The following VEPH1 variants were observed in gnomAD, a reference collection of about 807,000 sequenced individuals.
VEPH1 encodes the protein ventricular zone expressed PH domain containing 1.
A neutral mutation model predicts 85.2 loss-of-function variants in VEPH1; 80 were observed. The observed-to-expected ratio is 0.94, with a 90% CI of 0.78 to 1.13. The LOEUF (loss-of-function observed/expected upper bound fraction) is 1.13, where lower values mean the gene tolerates loss of function less well. Among genes scored for constraint, VEPH1 ranks in the 50% most tolerant of loss-of-function variants. The pLI is 0.00. For synonymous variants in VEPH1, 297 were observed against 348.0 expected (o/e 0.85, Z 1.63); for missense variants, 955 against 980.5 (o/e 0.97, Z 0.35).
At chr3:157,283,008 A>T (rs1716338506) in intron 12 of VEPH1, among the ~76,000 whole-genome samples, 1 of 152,246 alleles carries the variant, frequency 6.6e-6, no homozygotes, top group Non-Finnish European at 1.5e-5. Context: ...TAGGAAATAG[A>T]TTCTACTGTA....
Position 157,442,741 on chromosome 3 carries a change from C to T in VEPH1, c.530-14253G>A, listed in dbSNP as rs139851251. The T allele has an allele frequency of 5.0e-6, 8 of 1,614,196 alleles. No homozygotes were observed. The highest frequency in any genetic ancestry group is 6.8e-6 in the Non-Finnish European group (8 of 1,180,046). ...GAGATGGCCACAGGTCACATTGTTC[C>T]TGAGGGAGGAATCCTGCAGATTGGC... On this transcript the variant is annotated intron_variant, in intron 4 of 13. Coordinates refer to ENST00000362010, the MANE Select transcript of VEPH1 (RefSeq NM_001167912.2).
At chr3:157,377,847 C>G (rs1728298913) in intron 7 of VEPH1, among the ~76,000 whole-genome samples, 1 of 152,148 alleles carries the variant, frequency 6.6e-6, no homozygotes. Flanking sequence ...TGGACTAATA[C>G]AGGCCTACTT....
chr3:157,502,848 T>A (rs1167822207), intron 1 of VEPH1, among the ~76,000 whole-genome samples: 4 of 152,238 alleles, frequency 2.6e-5, no homozygotes, highest in African/African-American at 4.8e-5. Flanking sequence ...ACCCACTGAC[T>A]GTAATGATGC....
intron 9 of VEPH1, among the ~76,000 whole-genome samples, chr3:157,323,797 A>G (rs1049776037): frequency 1.3e-5 from 2 of 152,198 alleles, no homozygotes; most frequent in African/African-American, 4.8e-5. Flanking sequence ...CCTGATTTTG[A>G]GGAAAAAAAT....
At chr3:157,451,064 A>G (rs1734932014) in intron 4 of VEPH1, among the ~76,000 whole-genome samples, 1 of 152,198 alleles carries the variant, frequency 6.6e-6, no homozygotes, top group Non-Finnish European at 1.5e-5. Context: ...TATTGATATC[A>G]TGGTATTGAT....
intron 5 of VEPH1, among the ~76,000 whole-genome samples, chr3:157,418,865 A>T (rs1411266777): frequency 1.3e-5 from 2 of 152,240 alleles, no homozygotes. Flanking sequence ...AAGAGCCCAA[A>T]TAGCCAAGAC....
intron 6 of VEPH1, among the ~76,000 whole-genome samples, chr3:157,412,977 C>T (rs576884803): frequency 6.6e-6 from 1 of 152,236 alleles, no homozygotes; most frequent in Admixed American, 6.5e-5. Flanking sequence ...GGGTAAGTCA[C>T]ATAATGTTTC....
Position 157,290,029 on chromosome 3 carries a change from TACACAAACACACACACACACACACAC to T in VEPH1, c.2011-3381_2011-3356del, listed in dbSNP as rs888842912. 2.6e-5 allele frequency among the ~76,000 whole-genome samples: 3 copies of T among 114,874 alleles called. No homozygotes were observed. In the Admixed American group the frequency reaches 2.9e-4, roughly 11 times the overall value. The allele number at this position is 114,874 out of a possible 152,430, so 75.4% of individuals were successfully genotyped here. On this transcript the variant is annotated intron_variant, in intron 11 of 13. Transcript: ENST00000362010. ...TAGGATATCAATTCCGTTGTTATTA[TACACAAACACACACACACACACACAC>T]ACACACACACACACACACACACACA...
intron 12 of VEPH1, among the ~76,000 whole-genome samples, chr3:157,280,396 A>G (rs947548211): frequency 6.6e-6 from 1 of 152,142 alleles, no homozygotes; most frequent in Non-Finnish European, 1.5e-5. Flanking sequence ...CTTTGTTGCA[A>G]GTATATGGCC....
At chr3:157,301,627 C>T (rs1718822192) in intron 11 of VEPH1, among the ~76,000 whole-genome samples, 1 of 152,236 alleles carries the variant, frequency 6.6e-6, no homozygotes, top group South Asian at 2.1e-4. Flanking sequence ...CTGCTCTTTC[C>T]ATGTTGCCCA....
At chr3:157,303,431 T>C (rs1195268945) in intron 11 of VEPH1, among the ~76,000 whole-genome samples, 1 of 152,220 alleles carries the variant, frequency 6.6e-6, no homozygotes, top group Non-Finnish European at 1.5e-5. Flanking sequence ...TATTTTTGAC[T>C]GAATACATGA....
At chr3:157,281,910 T>G (rs1716178905) in intron 12 of VEPH1, among the ~76,000 whole-genome samples, 1 of 152,218 alleles carries the variant, frequency 6.6e-6, no homozygotes, top group South Asian at 2.1e-4. Flanking sequence ...AAGCTTCATA[T>G]TCATAGACTC....
At position 157,413,462 on chromosome 3, in the gene VEPH1, C is replaced by T. The variant is rs901681637; in HGVS notation, c.906+419G>A. 8 of 985,230 alleles carry T rather than the reference C, an allele frequency of 8.1e-6. No homozygotes were observed. In the African/African-American group the frequency reaches 1.4e-4, roughly 17 times the overall value. The allele number at this position is 985,230 out of a possible 1,614,324, so 61.0% of individuals were successfully genotyped here. On this transcript the variant is annotated intron_variant, in intron 6 of 13. Coordinates refer to ENST00000362010, the MANE Select transcript of VEPH1 (RefSeq NM_001167912.2). The stretch of plus-strand genomic sequence containing the variant: ...TAATTCTGTGCTTACTGATGGTCTC[C>T]TGGGTTAAGAGAAATTGCAACCTGA...
intron 2 of VEPH1, among the ~76,000 whole-genome samples, chr3:157,472,169 T>C (rs1004086689): frequency 2.6e-5 from 4 of 152,192 alleles, no homozygotes; most frequent in Admixed American, 6.5e-5. Context: ...AGATTTTTGT[T>C]TAACTTCAAG....
intron 9 of VEPH1, among the ~76,000 whole-genome samples, chr3:157,360,519 C>G (rs1725927006): frequency 6.6e-6 from 1 of 151,936 alleles, no homozygotes; most frequent in Admixed American, 6.6e-5. Context: ...AATTGTCAAA[C>G]TACGGATGCT....
At chr3:157,271,574 A>C (rs1376188260) in intron 12 of VEPH1, among the ~76,000 whole-genome samples, 1 of 152,166 alleles carries the variant, frequency 6.6e-6, no homozygotes, top group Non-Finnish European at 1.5e-5. Flanking sequence ...TGTGGCCTGG[A>C]ATAGAGGACA....
intron 1 of VEPH1, among the ~76,000 whole-genome samples, chr3:157,502,201 C>T (rs1326626735): frequency 2.0e-5 from 3 of 152,060 alleles, no homozygotes; most frequent in African/African-American, 4.8e-5. Flanking sequence ...AGAGTACATA[C>T]GATCTAAGTT....
At chr3:157,353,674 CT>C (rs1337926694) in intron 9 of VEPH1, among the ~76,000 whole-genome samples, 2 of 151,886 alleles carry the variant, frequency 1.3e-5, no homozygotes, top group Admixed American at 6.6e-5. Flanking sequence ...TATGTAAATC[CT>C]TTTTTTTCCT....
At position 157,436,763 on chromosome 3, in the gene VEPH1, C is replaced by G. The variant is rs575296406; in HGVS notation, c.530-8275G>C. ...CCCCCACCAAATTCAGGGGAACTCC[C>G]GTTACCGCAGTGCCACCAGCATTAC... On this transcript the variant is annotated intron_variant, in intron 4 of 13. Transcript: ENST00000362010. 13 of 624,054 alleles carry G rather than the reference C, an allele frequency of 2.1e-5. No homozygotes were observed. In the African/African-American group the frequency reaches 2.4e-4, roughly 12 times the overall value. The allele number at this position is 624,054 out of a possible 1,614,324, so 38.7% of individuals were successfully genotyped here.
Sources: allele counts gnomAD v4.1 joint callset (sites outside exome capture counted in the v4.1 genomes callset), GRCh38; gene constraint gnomAD v4.1.1; transcripts MANE v1.5; gene names NCBI Gene and HGNC (gene_info 2026-07-23, HGNC 2026-07-21).